The following GABRA3 variants were observed in gnomAD, a reference collection of about 807,000 sequenced individuals.
GABRA3 encodes gamma-aminobutyric acid receptor subunit alpha-3.
GABRA3 carries 10 observed loss-of-function variants against 30.1 expected under a neutral mutation model. The ratio of observed to expected loss-of-function variants is 0.33; its 90% CI spans 0.20 to 0.56. GABRA3 has a LOEUF of 0.56. GABRA3 is among the 20% of genes least tolerant of loss of function. The probability of loss-of-function intolerance (pLI) is 0.89; values close to 1 mark genes in which losing one functional copy is unlikely to be tolerated. For synonymous variants in GABRA3, 151 were observed against 146.8 expected, an observed-to-expected ratio of 1.03 and a Z score of -0.21; for missense variants, 233 against 392.0, an observed-to-expected ratio of 0.59 and a Z score of 3.42.
chrX:152,272,019 C>G (rs1265246069), intron 4 of GABRA3, among the ~76,000 whole-genome samples: 2 of 111,884 alleles, frequency 1.8e-5, no homozygotes, highest in Non-Finnish European at 3.8e-5. Context: ...GGGTAGAGCC[C>G]TCATGGAGAA....
intron 9 of GABRA3, among the ~76,000 whole-genome samples, chrX:152,187,969 G>C (rs185435826): frequency 1.2e-3 from 136 of 111,843 alleles, no homozygotes; most frequent in Middle Eastern, 9.1e-3. Flanking sequence ...TATTATTTAA[G>C]TATAAACACA....
At chrX:152,249,644 T>C (rs1354951106) in intron 5 of GABRA3, among the ~76,000 whole-genome samples, 3 of 110,759 alleles carry the variant, frequency 2.7e-5, no homozygotes, top group Non-Finnish European at 5.7e-5. Context: ...ATCCTCATCA[T>C]GTTTATGCCA....
intron 1 of GABRA3, among the ~76,000 whole-genome samples, chrX:152,433,027 A>T (rs901141993): frequency 2.2e-4 from 24 of 111,181 alleles, no homozygotes; most frequent in Non-Finnish European, 2.3e-4. Flanking sequence ...AACATATTAT[A>T]AAAAAAAGAA....
At chrX:152,225,448 AC>A in intron 5 of GABRA3, among the ~76,000 whole-genome samples, 1 of 107,859 alleles carries the variant, frequency 9.3e-6, no homozygotes, top group Non-Finnish European at 1.9e-5. Context: ...ACACACACAC[AC>A]ACACACACGA....
intron 1 of GABRA3, among the ~76,000 whole-genome samples, chrX:152,384,428 A>G (rs1372284926): frequency 8.9e-6 from 1 of 112,140 alleles, no homozygotes; most frequent in Non-Finnish European, 1.9e-5. Context: ...AGATAAACAA[A>G]TGGCATTGAA....
intron 1 of GABRA3, among the ~76,000 whole-genome samples, chrX:152,414,741 T>C (rs1454382577): frequency 9.1e-6 from 1 of 110,032 alleles, no homozygotes; most frequent in Non-Finnish European, 1.9e-5. Context: ...CAAAAATGTT[T>C]ATAGCAGCTT....
intron 7 of GABRA3, among the ~76,000 whole-genome samples, chrX:152,207,351 G>C (rs980565547): frequency 8.9e-6 from 1 of 111,864 alleles, no homozygotes; most frequent in African/African-American, 3.3e-5. Context: ...GGTTAGTTGA[G>C]ATCCAGAATA....
intron 9 of GABRA3, among the ~76,000 whole-genome samples, chrX:152,175,547 C>A (rs1233154474): frequency 9.0e-6 from 1 of 111,264 alleles, no homozygotes; most frequent in Admixed American, 9.6e-5. Flanking sequence ...ATGCATAAAG[C>A]AATGTAATGT....
At chrX:152,317,661 A>G (rs1217663300) in intron 3 of GABRA3, among the ~76,000 whole-genome samples, 5 of 112,177 alleles carry the variant, frequency 4.5e-5, no homozygotes, top group African/African-American at 1.6e-4. Context: ...CAACTCCAAA[A>G]GGAACCTTCA....
chrX:152,392,338 G>A, intron 1 of GABRA3: 1 of 378,126 alleles, frequency 2.6e-6, no homozygotes, highest in South Asian at 2.4e-5. Flanking sequence ...CAATATATAG[G>A]AGTAGATACT....
In GABRA3 at chrX:152,210,195, T is replaced by A. The variant is rs1009914040; in HGVS notation, c.635-2051A>T. ...TCATAGTTTTTTGTAATGAATAGCA[T>A]AATTTTGATATATGAAGTTTTGTTT... On this transcript the variant is annotated intron_variant, in intron 6 of 9. Coordinates refer to ENST00000370314, the MANE Select transcript of GABRA3 (RefSeq NM_000808.4). Among the ~76,000 whole-genome samples, 3 of 112,134 alleles carry A rather than the reference T, an allele frequency of 2.7e-5. No individual in the cohort carries two copies. The Admixed American group carries it at 2.8e-4, about 11-fold the overall frequency.
intron 1 of GABRA3, among the ~76,000 whole-genome samples, chrX:152,387,760 C>A (rs765790094): frequency 1.8e-5 from 2 of 111,480 alleles, no homozygotes; most frequent in East Asian, 5.6e-4. Flanking sequence ...ATCAAATGAA[C>A]AAAAGCTTTT....
intron 3 of GABRA3, among the ~76,000 whole-genome samples, chrX:152,303,256 C>T (rs1939663608): frequency 8.9e-6 from 1 of 111,984 alleles, no homozygotes; most frequent in Non-Finnish European, 1.9e-5. Context: ...TTTTAAACCA[C>T]AATGAAATAC....
At chrX:152,239,010 T>C (rs1218042381) in intron 5 of GABRA3, among the ~76,000 whole-genome samples, 2 of 109,571 alleles carry the variant, frequency 1.8e-5, no homozygotes, top group African/African-American at 3.3e-5. Context: ...CTGCTCTGAT[T>C]TTAGTTATTT....
intron 6 of GABRA3, among the ~76,000 whole-genome samples, chrX:152,216,351 A>G (rs1282877195): frequency 1.9e-5 from 2 of 105,778 alleles, no homozygotes; most frequent in African/African-American, 6.8e-5. Flanking sequence ...AGTGTCCATC[A>G]ATGAATGAAT....
At chrX:152,317,057 T>C (rs1453892819) in intron 3 of GABRA3, among the ~76,000 whole-genome samples, 1 of 111,904 alleles carries the variant, frequency 8.9e-6, no homozygotes. Flanking sequence ...ACTTAAAAGA[T>C]ACAGAATTGA....
chrX:152,281,984 A>T (rs1345979266), intron 4 of GABRA3, among the ~76,000 whole-genome samples: 1 of 112,069 alleles, frequency 8.9e-6, no homozygotes. Flanking sequence ...TGTACCAAAC[A>T]CTGAGTCAGA....
chrX:152,292,807 T>C (rs1939446678), intron 3 of GABRA3, among the ~76,000 whole-genome samples: 2 of 111,924 alleles, frequency 1.8e-5, no homozygotes, highest in South Asian at 7.4e-4. Flanking sequence ...TTTTGTTATT[T>C]ACCCGGTAGT....
At chrX:152,279,775 C>T (rs1315663894) in intron 4 of GABRA3, among the ~76,000 whole-genome samples, 3 of 111,530 alleles carry the variant, frequency 2.7e-5, no homozygotes, top group Admixed American at 1.9e-4. Context: ...TTTGTATCCT[C>T]TTTTATTTCA....
Sources: allele counts gnomAD v4.1 joint callset (sites outside exome capture counted in the v4.1 genomes callset), GRCh38; gene constraint gnomAD v4.1.1; transcripts MANE v1.5; gene names NCBI Gene and HGNC (gene_info 2026-07-23, HGNC 2026-07-21).